MORF4L1: variants seen among roughly 807,000 people sequenced by gnomAD.
The protein encoded by MORF4L1 is mortality factor 4 like 1.
Under a neutral mutation model 52.9 loss-of-function variants are expected in MORF4L1, and 4 were observed. That is an observed-to-expected ratio of 0.08 (90% CI 0.04 to 0.17). The LOEUF is 0.17. Among genes scored for constraint, MORF4L1 ranks in the 10% least tolerant of loss-of-function variants. The probability of loss-of-function intolerance (pLI) is 1.00; values close to 1 mark genes in which losing one functional copy is unlikely to be tolerated. For synonymous variants in MORF4L1, 123 were observed against 134.8 expected (o/e 0.91, Z 0.61); for missense variants, 214 against 390.4 (o/e 0.55, Z 3.81).
In MORF4L1 at chr15:78,883,492, T is replaced by C. The variant is rs534241789; in HGVS notation, c.156-2649T>C. 4.6e-5 allele frequency among the ~76,000 whole-genome samples: 7 copies of C among 152,342 alleles called. No homozygotes were observed. In the East Asian group the frequency reaches 1.3e-3, roughly 29 times the overall value. On this transcript the variant is annotated intron_variant, in intron 3 of 11. Coordinates refer to ENST00000426013, the MANE Select transcript of MORF4L1 (RefSeq NM_006791.4). ...TACCAAATGCTTGTATTTTCAGATTTTATTGTTTCGAAAAATAATGGGCAT... is the reference window on the plus strand; with the variant it reads ...TACCAAATGCTTGTATTTTCAGATTCTATTGTTTCGAAAAATAATGGGCAT...
At chr15:78,892,166 TAGC>T in intron 7 of MORF4L1, 43 bp from the exon 8 acceptor site, 1 of 1,390,978 alleles carries the variant, frequency 7.2e-7, no homozygotes, top group South Asian at 1.2e-5. Flanking sequence ...GTTTGGTATT[TAGC>T]AAGAAAGGTT....
At position 78,885,123 on chromosome 15, in the gene MORF4L1, T is replaced by C. The variant is rs764708263; in HGVS notation, c.156-1018T>C. The C allele has an allele frequency of 1.8e-5, 26 of 1,450,562 alleles. No homozygotes were observed. The Admixed American group carries it at 4.4e-4, about 24-fold the overall frequency. 89.9% of individuals were successfully genotyped at this position (1,450,562 alleles called of 1,614,324 possible). A position where few individuals can be genotyped will look rare whatever the true frequency, so the allele number is the denominator to read the frequency against. On this transcript the variant is annotated intron_variant, in intron 3 of 11. Coordinates refer to ENST00000426013, the MANE Select transcript of MORF4L1 (RefSeq NM_006791.4). ...TGAAATTTTCTCTAGGAAATCATGT[T>C]CAGGATTGCTTTTTATTATTTTCCT...
chr15:78,889,497 A>G (rs2056762877), intron 5 of MORF4L1, among the ~76,000 whole-genome samples: 1 of 152,142 alleles, frequency 6.6e-6, no homozygotes, highest in African/African-American at 2.4e-5. Flanking sequence ...ACTCATCTAT[A>G]TTTTATAGAT....
chr15:78,872,976 C>CG lies in MORF4L1; in HGVS notation c.-37dup, dbSNP rs1428629469. 4.3e-5 allele frequency: 61 copies of CG among 1,432,772 alleles called. No individual in the cohort carries two copies. The highest frequency in any genetic ancestry group is 5.6e-5 in the Non-Finnish European group (60 of 1,069,402). The allele number at this position is 1,432,772 out of a possible 1,614,324, so 88.8% of individuals were successfully genotyped here. On this transcript the variant is annotated 5_prime_UTR_variant, in exon 1 of 12. Coordinates refer to ENST00000426013, the MANE Select transcript of MORF4L1 (RefSeq NM_006791.4). ...GGGGTAGAGAGTAGGGGGCGGTAGTCGGGGGTGGTGGGAGAAGGAGGAGGC... is the reference window on the plus strand; with the variant it reads ...GGGGTAGAGAGTAGGGGGCGGTAGTCGGGGGGTGGTGGGAGAAGGAGGAGGC...
At chr15:78,887,490 G>A (rs1596247433) in intron 5 of MORF4L1, 141 bp downstream of exon 5, 9 of 629,478 alleles carry the variant, frequency 1.4e-5, no homozygotes, top group Non-Finnish European at 2.4e-5. Context: ...GTATCAGGTC[G>A]TTAAAGTAGT....
At position 78,891,291 on chromosome 15, in the gene MORF4L1, G is replaced by A. The variant is rs534872080; in HGVS notation, c.350-193G>A. 444 of 650,820 alleles carry A rather than the reference G, an allele frequency of 6.8e-4. 3 individuals carry two copies. In the East Asian group the frequency reaches 9.1e-3, roughly 13 times the overall value. The allele number at this position is 650,820 out of a possible 1,614,324, so 40.3% of individuals were successfully genotyped here. ...ATGGAAGATGGTGATACTAAATGTT[G>A]TCTATACTAAATGTTCGGTAGAGCT... On this transcript the variant is annotated intron_variant, in intron 6 of 11. Transcript: ENST00000426013.
At chr15:78,895,856 A>G (rs562586559) in intron 11 of MORF4L1, among the ~76,000 whole-genome samples, 3 of 152,250 alleles carry the variant, frequency 2.0e-5, no homozygotes, top group South Asian at 2.1e-4. Context: ...TGGACTTGAG[A>G]ATGTAGGCAA....
intron 7 of MORF4L1, among the ~76,000 whole-genome samples, 180 bp from the exon 8 acceptor site, chr15:78,892,032 T>C (rs574699394): frequency 1.3e-5 from 2 of 152,328 alleles, no homozygotes; most frequent in African/African-American, 4.8e-5. Context: ...TCAGATTCTT[T>C]TCTCCCAACA....
At position 78,886,110 on chromosome 15, in the gene MORF4L1, T is replaced by G. The variant is rs2056698690; in HGVS notation, c.156-31T>G. 1.3e-6 allele frequency: 2 copies of G among 1,546,392 alleles called. 1 individual carries two copies. Among genetic ancestry groups the G allele is most frequent in the South Asian group, 2.2e-5 (2 of 89,692 alleles). On this transcript the variant is annotated intron_variant, in intron 3 of 11. Transcript: ENST00000426013. ...AATTAGTTGGAGAACAGAGTATTTT[T>G]GAGTTAAATTTTAACTTTCCTCTTT... is the stretch of plus-strand genomic sequence containing the variant.
At chr15:78,877,908 C>T (rs374803772) in intron 1 of MORF4L1, 9 of 200,142 alleles carry the variant, frequency 4.5e-5, no homozygotes, top group African/African-American at 2.3e-4. Context: ...TAAAACCAAC[C>T]AACCAACCAA....
At chr15:78,885,109 C>T (rs1017937240) in intron 3 of MORF4L1, 3 of 1,528,554 alleles carry the variant, frequency 2.0e-6, no homozygotes, top group African/African-American at 2.8e-5. Context: ...GAAATTTTCT[C>T]TAGGAAATCA....
intron 1 of MORF4L1, chr15:78,877,853 C>T (rs2056524946): frequency 5.8e-6 from 1 of 172,290 alleles, no homozygotes; most frequent in Non-Finnish European, 1.2e-5. Flanking sequence ...CTTAGAAAAA[C>T]AGATGAGGAA....
intron 5 of MORF4L1, among the ~76,000 whole-genome samples, chr15:78,889,030 G>C (rs951630470): frequency 6.6e-6 from 1 of 152,134 alleles, no homozygotes; most frequent in Non-Finnish European, 1.5e-5. Flanking sequence ...CTTTATCACT[G>C]TGCTAAGTTA....
chr15:78,875,590 CAGCCTGGTG>C (rs56151949), intron 1 of MORF4L1, among the ~76,000 whole-genome samples: 3 of 151,728 alleles, frequency 2.0e-5, no homozygotes, highest in Non-Finnish European at 2.9e-5. Context: ...CCAGCCTGGT[CAGCCTGGTG>C]AGCCTGGTGA....
At chr15:78,896,308 CTTTTTTTTT>C (rs71148578) in intron 11 of MORF4L1, among the ~76,000 whole-genome samples, 4 of 81,450 alleles carry the variant, frequency 4.9e-5, no homozygotes, top group African/African-American at 1.5e-4. Flanking sequence ...CTTTTCTTTT[CTTTTTTTTT>C]TTTTTTTTTT....
chr15:78,874,573 CTTTTTCTTTCTT>C (rs2056443633), intron 1 of MORF4L1, among the ~76,000 whole-genome samples: 1 of 116,060 alleles, frequency 8.6e-6, no homozygotes, highest in African/African-American at 3.4e-5. Flanking sequence ...TTTTTCTTTT[CTTTTTCTTTCTT>C]TTTTTTTTTT....
chr15:78,889,034 TAA>T (rs2056754503), intron 5 of MORF4L1, among the ~76,000 whole-genome samples: 2 of 152,242 alleles, frequency 1.3e-5, no homozygotes, highest in African/African-American at 4.8e-5. Flanking sequence ...ATCACTGTGC[TAA>T]GTTATTATAT....
At chr15:78,891,450 G>A (rs1304825897) in intron 6 of MORF4L1, 34 bp from the exon 7 acceptor site, 2 of 1,522,420 alleles carry the variant, frequency 1.3e-6, no homozygotes, top group Non-Finnish European at 1.8e-6. Flanking sequence ...TGTTAAATTA[G>A]CTAAATGAGA....
chr15:78,894,411 T>TTATA (rs1013948788), intron 10 of MORF4L1, 181 bp downstream of exon 10: 3 of 489,864 alleles, frequency 6.1e-6, no homozygotes, highest in Non-Finnish European at 1.0e-5. Context: ...GTATTTTATT[T>TTATA]TATAATTTTT....
Sources: gnomAD v4.1 joint callset for allele counts (sites outside exome capture counted in the v4.1 genomes callset) on GRCh38, gnomAD v4.1.1 for gene constraint, MANE v1.5 for transcripts, NCBI Gene and HGNC (gene_info 2026-07-23, HGNC 2026-07-21) for gene names.